The following ATP10B variants were observed in gnomAD, a reference collection of about 807,000 sequenced individuals.
The protein encoded by ATP10B is ATPase phospholipid transporting 10B (putative), also known as phospholipid-transporting ATPase VB.
In ATP10B, 122 loss-of-function variants were observed where a neutral mutation model predicts 141.2. That is an observed-to-expected ratio of 0.86 (90% CI 0.75 to 1.00). The LOEUF (loss-of-function observed/expected upper bound fraction) is 1.00, where lower values mean the gene tolerates loss of function less well. Ranked by LOEUF, ATP10B falls within the 50% of genes least tolerant of loss-of-function variation. The pLI is 0.00. For missense variants in ATP10B, 1,876 were observed against 1,825.3 expected, an observed-to-expected ratio of 1.03 and a Z score of -0.51; for synonymous variants, 685 against 692.0, an observed-to-expected ratio of 0.99 and a Z score of 0.16.
At chr5:160,920,722 C>T in the ATP10B span, among the ~76,000 whole-genome samples, 1 of 152,218 alleles carries the variant, frequency 6.6e-6, no homozygotes, top group African/African-American at 2.4e-5. Context: ...CGCTGCAGTG[C>T]TTCTCACACT....
intron 1 of ATP10B, among the ~76,000 whole-genome samples, chr5:160,815,605 C>T (rs752958434): frequency 5.8e-4 from 89 of 152,202 alleles, no homozygotes; most frequent in African/African-American, 1.8e-3. Context: ...GACAGATCAA[C>T]GAGACAGAAA....
chr5:160,810,049 C>T (rs1773043460), intron 1 of ATP10B, among the ~76,000 whole-genome samples: 1 of 152,218 alleles, frequency 6.6e-6, no homozygotes, highest in African/African-American at 2.4e-5. Flanking sequence ...TCTTGTTAAC[C>T]TCTACAGTAT....
chr5:160,601,570 T>C (rs1304066650), intron 21 of ATP10B, among the ~76,000 whole-genome samples: 2 of 152,202 alleles, frequency 1.3e-5, no homozygotes, highest in Admixed American at 6.5e-5. Flanking sequence ...TGGTATGTGT[T>C]TGCTTTAGGC....
the ATP10B span, among the ~76,000 whole-genome samples, chr5:160,901,555 A>G: frequency 2.0e-5 from 3 of 152,216 alleles, no homozygotes; most frequent in African/African-American, 7.2e-5. Context: ...CATGCCGTCA[A>G]AGCAAACATT....
intron 7 of ATP10B, among the ~76,000 whole-genome samples, chr5:160,658,632 A>G (rs561731711): frequency 1.3e-5 from 2 of 152,334 alleles, no homozygotes; most frequent in East Asian, 3.9e-4. Flanking sequence ...CAGGCCAGGC[A>G]GTACGTTTCC....
At chr5:160,704,034 G>A (rs1012206060) in intron 3 of ATP10B, among the ~76,000 whole-genome samples, 14 of 152,152 alleles carry the variant, frequency 9.2e-5, no homozygotes, top group African/African-American at 3.1e-4. Context: ...CCAGACTGGA[G>A]TTCAGTGCCA....
chr5:160,563,395 T>C lies in ATP10B; in HGVS notation c.*2058A>G, dbSNP rs1448683399. 3 of 152,172 alleles carry C rather than the reference T, an allele frequency of 2.0e-5. No homozygotes were observed. The highest frequency in any genetic ancestry group is 4.4e-5 in the Non-Finnish European group (3 of 68,030). 9.4% of individuals were successfully genotyped at this position (152,172 alleles called of 1,614,324 possible). A position where few individuals can be genotyped will look rare whatever the true frequency, so the allele number is the denominator to read the frequency against. On this transcript the variant is annotated 3_prime_UTR_variant, in exon 26 of 26. Transcript: ENST00000327245. ...AAAAATGAGAAAGTCCCAGGCAAAC[T>C]GGGACGGTTGGTCCTACAAGAAAAA...
At chr5:160,590,539 C>T (rs574843706) in intron 23 of ATP10B, among the ~76,000 whole-genome samples, 1 of 133,816 alleles carries the variant, frequency 7.5e-6, no homozygotes, top group South Asian at 2.7e-4. Flanking sequence ...GGCTGGTATC[C>T]CTTGCTATCT....
chr5:160,566,309 G>T (rs1754533570), intron 25 of ATP10B, among the ~76,000 whole-genome samples: 1 of 152,008 alleles, frequency 6.6e-6, no homozygotes, highest in African/African-American at 2.4e-5. Flanking sequence ...TCTCTTTTTT[G>T]CCATGCCCAA....
intron 2 of ATP10B, among the ~76,000 whole-genome samples, chr5:160,750,947 T>G (rs928131938): frequency 1.3e-5 from 2 of 152,168 alleles, no homozygotes; most frequent in African/African-American, 4.8e-5. Flanking sequence ...TTCTTTAGAT[T>G]CTAGCATAGA....
At chr5:160,810,319 A>G (rs1171112622) in intron 1 of ATP10B, among the ~76,000 whole-genome samples, 1 of 151,980 alleles carries the variant, frequency 6.6e-6, no homozygotes, top group African/African-American at 2.4e-5. Flanking sequence ...TGTGCTAAAT[A>G]TTTTCAGTTT....
chr5:160,614,619 C>A (rs138531298), intron 17 of ATP10B: 5 of 152,192 alleles, frequency 3.3e-5, no homozygotes, highest in African/African-American at 1.2e-4. Flanking sequence ...CCTCTGCAGC[C>A]GAGACATAGG....
chr5:160,627,382 T>C (rs2127656699), intron 13 of ATP10B, among the ~76,000 whole-genome samples: 1 of 152,346 alleles, frequency 6.6e-6, no homozygotes, highest in East Asian at 1.9e-4. Context: ...TTTATGTCCC[T>C]AGTCTCTAGG....
At position 160,603,972 on chromosome 5, in the gene ATP10B, C is replaced by T. The variant is rs1414836377; in HGVS notation, c.3230G>A (p.Gly1077Asp). ...DIGIGISGQE[G>D]MQAVMSSDFA... is the part of the protein sequence containing the mutation. ...AGTTGCAGAGAACAATACCTGCATG[C>T]CTTCCTGTCCAGATATTCCAATTCC... Residue 1077 changes from glycine (G) to aspartate (D), a missense_variant, in exon 20 of 26, where the codon GGC (glycine) becomes GAC (aspartate). Gly to Asp is a moderately conservative substitution (Grantham distance 94). Coordinates refer to ENST00000327245, the MANE Select transcript of ATP10B (RefSeq NM_025153.3). 1.2e-5 allele frequency: 19 copies of T among 1,612,912 alleles called. No individual in the cohort carries two copies. The highest frequency in any genetic ancestry group is 1.4e-5 in the Non-Finnish European group (17 of 1,179,062).
chr5:160,667,713 T>C (rs1199039250), intron 7 of ATP10B, among the ~76,000 whole-genome samples: 1 of 152,188 alleles, frequency 6.6e-6, no homozygotes, highest in East Asian at 1.9e-4. Context: ...ATGACCCTTT[T>C]ACCTGACTCT....
At chr5:160,877,581 G>C in the ATP10B span, among the ~76,000 whole-genome samples, 2 of 150,532 alleles carry the variant, frequency 1.3e-5, no homozygotes, top group African/African-American at 4.9e-5. Flanking sequence ...ATTAGGAAAA[G>C]AGGAAATCAA....
chr5:160,704,979 CATG>C (rs1764913507), intron 3 of ATP10B, among the ~76,000 whole-genome samples: 2 of 125,554 alleles, frequency 1.6e-5, no homozygotes, highest in Non-Finnish European at 3.1e-5. Flanking sequence ...AGTGCAGTGG[CATG>C]ATCTCAGCTC....
intron 2 of ATP10B, among the ~76,000 whole-genome samples, chr5:160,724,951 A>G (rs965386816): frequency 2.6e-5 from 4 of 152,182 alleles, no homozygotes; most frequent in Admixed American, 1.3e-4. Context: ...GCTTTCCACT[A>G]CTAGCATGTA....
chr5:160,859,813 T>C, the ATP10B span, among the ~76,000 whole-genome samples: 10 of 151,824 alleles, frequency 6.6e-5, no homozygotes, highest in African/African-American at 9.7e-5. Flanking sequence ...TATATTCTAA[T>C]TGAGAAAAGA....
Sources: gnomAD v4.1 joint callset for allele counts (sites outside exome capture counted in the v4.1 genomes callset) on GRCh38, gnomAD v4.1.1 for gene constraint, MANE v1.5 for transcripts, NCBI Gene and HGNC (gene_info 2026-07-23, HGNC 2026-07-21) for gene names.